The following GALNTL6 variants were observed in gnomAD, a reference collection of about 807,000 sequenced individuals.
The protein encoded by GALNTL6 is polypeptide N-acetylgalactosaminyltransferase-like 6.
GALNTL6 carries 46 observed loss-of-function variants against 73.7 expected under a neutral mutation model. That is an observed-to-expected ratio of 0.62 (90% CI 0.49 to 0.80). The LOEUF is 0.80. Among genes scored for constraint, GALNTL6 ranks in the 30% least tolerant of loss-of-function variants. GALNTL6 has a pLI of 0.00. For missense variants in GALNTL6, 604 were observed against 755.0 expected (o/e 0.80, Z 2.34); for synonymous variants, 259 against 263.7 (o/e 0.98, Z 0.17).
chr4:172,967,032 C>T (rs907844517), intron 10 of GALNTL6, among the ~76,000 whole-genome samples: 8 of 152,226 alleles, frequency 5.3e-5, no homozygotes, highest in African/African-American at 1.4e-4. Flanking sequence ...CATCGGCCTC[C>T]GTGGCTAAAT....
chr4:171,829,751 C>A (rs549816630), intron 2 of GALNTL6, among the ~76,000 whole-genome samples: 1 of 152,068 alleles, frequency 6.6e-6, no homozygotes, highest in South Asian at 2.1e-4. Flanking sequence ...GTAGTTTATT[C>A]TCTATTGATC....
chr4:172,000,423 G>A (rs1162016379), intron 2 of GALNTL6, among the ~76,000 whole-genome samples: 1 of 152,062 alleles, frequency 6.6e-6, no homozygotes, highest in Non-Finnish European at 1.5e-5. Context: ...AGGATCTAGG[G>A]TGTTTATCCA....
intron 5 of GALNTL6, among the ~76,000 whole-genome samples, chr4:172,467,075 C>A (rs1732850734): frequency 6.6e-6 from 1 of 152,134 alleles, no homozygotes; most frequent in Admixed American, 6.5e-5. Context: ...AATACATCAA[C>A]TCTTAGGGCA....
intron 5 of GALNTL6, among the ~76,000 whole-genome samples, chr4:172,570,521 C>T (rs997050540): frequency 1.3e-5 from 2 of 152,102 alleles, no homozygotes; most frequent in African/African-American, 4.8e-5. Context: ...GAGAGTTCTT[C>T]AGAAGAAACC....
At chr4:172,047,644 T>C (rs1043481371) in intron 2 of GALNTL6, among the ~76,000 whole-genome samples, 1 of 152,120 alleles carries the variant, frequency 6.6e-6, no homozygotes, top group Non-Finnish European at 1.5e-5. Context: ...GTCAATATCA[T>C]TATTAACTAG....
intron 5 of GALNTL6, among the ~76,000 whole-genome samples, chr4:172,431,164 A>G (rs1456005857): frequency 6.6e-6 from 1 of 152,144 alleles, no homozygotes; most frequent in Admixed American, 6.5e-5. Context: ...GTCATACTCT[A>G]TTCTACAAGT....
chr4:172,714,848 C>T (rs1400000851), intron 5 of GALNTL6, among the ~76,000 whole-genome samples: 1 of 152,094 alleles, frequency 6.6e-6, no homozygotes, highest in African/African-American at 2.4e-5. Context: ...ACACTTGCCA[C>T]TCATGCATTT....
At chr4:172,278,362 A>G (rs966652051) in intron 3 of GALNTL6, among the ~76,000 whole-genome samples, 3 of 152,162 alleles carry the variant, frequency 2.0e-5, no homozygotes, top group African/African-American at 4.8e-5. Flanking sequence ...ATTCATTCCA[A>G]TAACTATAAA....
chr4:172,607,790 A>G (rs1318690620), intron 5 of GALNTL6, among the ~76,000 whole-genome samples: 3 of 152,208 alleles, frequency 2.0e-5, no homozygotes. Flanking sequence ...TAGCCATTCT[A>G]ACTGGTGTGA....
chr4:172,353,474 C>T (rs757725016), intron 5 of GALNTL6, among the ~76,000 whole-genome samples: 11 of 152,022 alleles, frequency 7.2e-5, no homozygotes, highest in Non-Finnish European at 1.2e-4. Context: ...TTTTATGTAA[C>T]GTTAATTGTT....
At chr4:172,409,016 G>A (rs941633390) in intron 5 of GALNTL6, among the ~76,000 whole-genome samples, 1 of 152,028 alleles carries the variant, frequency 6.6e-6, no homozygotes, top group African/African-American at 2.4e-5. Context: ...TAATTTAAAA[G>A]ATATTGAATA....
intron 4 of GALNTL6, among the ~76,000 whole-genome samples, chr4:172,313,240 C>T (rs1253730068): frequency 1.3e-5 from 2 of 151,706 alleles, no homozygotes; most frequent in Non-Finnish European, 2.9e-5. Context: ...ATTCTCCTGC[C>T]TCAGCCTCCC....
intron 5 of GALNTL6, among the ~76,000 whole-genome samples, chr4:172,783,520 T>G (rs1739490318): frequency 1.3e-5 from 2 of 148,536 alleles, no homozygotes; most frequent in South Asian, 4.2e-4. Context: ...CTATTTAATA[T>G]AATAATAGTA....
At chr4:172,348,835 A>AT (rs766707219) in intron 5 of GALNTL6, 146 bp downstream of exon 5, 86 of 484,928 alleles carry the variant, frequency 1.8e-4, no homozygotes, top group Non-Finnish European at 2.5e-4. Flanking sequence ...ATTTCGTAAA[A>AT]TATTCACCAA....
At chr4:171,861,965 TTTAA>T (rs1735840264) in intron 2 of GALNTL6, among the ~76,000 whole-genome samples, 1 of 152,304 alleles carries the variant, frequency 6.6e-6, no homozygotes, top group African/African-American at 2.4e-5. Flanking sequence ...GCTTTAATTA[TTTAA>T]TTATTTCACT....
intron 5 of GALNTL6, among the ~76,000 whole-genome samples, chr4:172,612,975 G>A (rs1738585194): frequency 6.6e-6 from 1 of 152,078 alleles, no homozygotes; most frequent in Non-Finnish European, 1.5e-5. Flanking sequence ...GCCTCCTGCT[G>A]TCTAACATTA....
intron 7 of GALNTL6, among the ~76,000 whole-genome samples, chr4:172,830,302 C>A (rs1376486796): frequency 3.3e-5 from 5 of 152,062 alleles, no homozygotes; most frequent in Admixed American, 3.3e-4. Flanking sequence ...TAGAGCAAAT[C>A]TTTAGAAAGA....
intron 7 of GALNTL6, among the ~76,000 whole-genome samples, chr4:172,836,627 A>G (rs1742924433): frequency 6.6e-6 from 1 of 152,250 alleles, no homozygotes; most frequent in Non-Finnish European, 1.5e-5. Context: ...TTGAAAAGTC[A>G]TTATCAATTA....
intron 2 of GALNTL6, among the ~76,000 whole-genome samples, chr4:171,926,446 C>T (rs1737987278): frequency 6.6e-6 from 1 of 152,018 alleles, no homozygotes; most frequent in Non-Finnish European, 1.5e-5. Context: ...TCTAATGTGT[C>T]TCTGTACATG....
Sources: allele counts gnomAD v4.1 joint callset (sites outside exome capture counted in the v4.1 genomes callset), GRCh38; gene constraint gnomAD v4.1.1; transcripts MANE v1.5; gene names NCBI Gene and HGNC (gene_info 2026-07-23, HGNC 2026-07-21).